The following ULK4 variants were observed in gnomAD, a reference collection of about 807,000 sequenced individuals.
ULK4 encodes the protein unc-51 like kinase 4.
ULK4 carries 133 observed loss-of-function variants against 160.6 expected under a neutral mutation model. The ratio of observed to expected loss-of-function variants is 0.83; its 90% confidence interval spans 0.72 to 0.96. The LOEUF (loss-of-function observed/expected upper bound fraction) is 0.96. Among genes scored for constraint, ULK4 ranks in the 40% least tolerant of loss-of-function variants. The pLI is 0.00. For synonymous variants in ULK4, 534 were observed against 539.8 expected, an observed-to-expected ratio of 0.99 and a Z score of 0.15; for missense variants, 1,580 against 1,499.5, an observed-to-expected ratio of 1.05 and a Z score of -0.89.
intron 34 of ULK4, among the ~76,000 whole-genome samples, chr3:41,420,969 C>G (rs2082650892): frequency 6.6e-6 from 1 of 151,918 alleles, no homozygotes; most frequent in South Asian, 2.1e-4. Flanking sequence ...CAAAAATGAA[C>G]TGGGCATGGT....
At chr3:41,669,385 C>T (rs141925222) in intron 29 of ULK4, among the ~76,000 whole-genome samples, 1 of 152,222 alleles carries the variant, frequency 6.6e-6, no homozygotes, top group East Asian at 1.9e-4. Context: ...TCCCCACTCC[C>T]ACCCCAAAGT....
At chr3:41,286,640 A>T (rs1262180591) in intron 35 of ULK4, among the ~76,000 whole-genome samples, 1 of 152,164 alleles carries the variant, frequency 6.6e-6, no homozygotes, top group Admixed American at 6.5e-5. Flanking sequence ...CTAGGGAAAA[A>T]GGGAGGCTGG....
chr3:41,764,586 A>C (rs997048926), intron 21 of ULK4, among the ~76,000 whole-genome samples: 1 of 152,226 alleles, frequency 6.6e-6, no homozygotes. Flanking sequence ...CAAAAAACTT[A>C]AAAGAGAAAT....
intron 35 of ULK4, among the ~76,000 whole-genome samples, chr3:41,385,841 C>A (rs1208367935): frequency 1.3e-5 from 2 of 152,152 alleles, no homozygotes; most frequent in Non-Finnish European, 2.9e-5. Context: ...GACTGGAGAG[C>A]TGAGACTGGA....
intron 20 of ULK4, among the ~76,000 whole-genome samples, chr3:41,794,725 TA>T (rs1198068233): frequency 8.4e-5 from 11 of 130,330 alleles, no homozygotes; most frequent in Admixed American, 4.6e-4. Context: ...ATAAATACAT[TA>T]AATAAATAAA....
chr3:41,470,645 G>A (rs1355406943), intron 32 of ULK4, among the ~76,000 whole-genome samples: 1 of 152,018 alleles, frequency 6.6e-6, no homozygotes. Flanking sequence ...TAATAATAAT[G>A]ACTACAGCTA....
intron 12 of ULK4, among the ~76,000 whole-genome samples, chr3:41,905,984 G>A (rs1410409678): frequency 1.3e-5 from 2 of 152,060 alleles, no homozygotes; most frequent in African/African-American, 2.4e-5. Context: ...TTGGGAGTCC[G>A]AGGCGGGCGG....
chr3:41,614,726 G>A (rs752788653), intron 31 of ULK4, among the ~76,000 whole-genome samples: 9 of 152,142 alleles, frequency 5.9e-5, no homozygotes, highest in Admixed American at 2.6e-4. Context: ...AAAATCTGCA[G>A]CTAAGAAAAA....
chr3:41,492,560 C>T (rs1414092707), intron 32 of ULK4, among the ~76,000 whole-genome samples: 3 of 148,012 alleles, frequency 2.0e-5, no homozygotes, highest in Non-Finnish European at 4.5e-5. Flanking sequence ...ATGACAGGAT[C>T]AAATCCACAC....
intron 35 of ULK4, among the ~76,000 whole-genome samples, chr3:41,275,763 A>G (rs2079218609): frequency 6.6e-6 from 1 of 152,218 alleles, no homozygotes; most frequent in Non-Finnish European, 1.5e-5. Context: ...TCTTTCTAAC[A>G]TTTCCAGAGT....
At chr3:41,946,166 T>C (rs1343778173) in intron 2 of ULK4, among the ~76,000 whole-genome samples, 1 of 152,164 alleles carries the variant, frequency 6.6e-6, no homozygotes, top group Non-Finnish European at 1.5e-5. Flanking sequence ...GTATGTATAT[T>C]TTACTTCAAT....
At chr3:41,521,887 A>G (rs1301537067) in intron 32 of ULK4, among the ~76,000 whole-genome samples, 1 of 152,192 alleles carries the variant, frequency 6.6e-6, no homozygotes, top group African/African-American at 2.4e-5. Context: ...TTGCCTTGCC[A>G]TGTTACTTTC....
At chr3:41,672,442 C>T (rs1032932822) in intron 29 of ULK4, among the ~76,000 whole-genome samples, 1 of 152,032 alleles carries the variant, frequency 6.6e-6, no homozygotes, top group African/African-American at 2.4e-5. Context: ...GTGAAATAAG[C>T]CTGGCAGAGA....
At chr3:41,824,092 G>A (rs1473386724) in intron 18 of ULK4, among the ~76,000 whole-genome samples, 1 of 147,670 alleles carries the variant, frequency 6.8e-6, no homozygotes, top group Non-Finnish European at 1.5e-5. Context: ...GAATCCAGGA[G>A]GTGGGGGTTG....
At chr3:41,564,583 C>A (rs1575421604) in intron 32 of ULK4, among the ~76,000 whole-genome samples, 1 of 150,852 alleles carries the variant, frequency 6.6e-6, no homozygotes, top group Non-Finnish European at 1.5e-5. Flanking sequence ...CTCAGCCTCC[C>A]GAGTAGCTGG....
At chr3:41,767,422 CCCA>C (rs1201401822) in intron 21 of ULK4, among the ~76,000 whole-genome samples, 3 of 151,992 alleles carry the variant, frequency 2.0e-5, no homozygotes, top group Non-Finnish European at 4.4e-5. Flanking sequence ...CCATCTGCTC[CCCA>C]CACTTCTACT....
intron 33 of ULK4, among the ~76,000 whole-genome samples, chr3:41,458,554 A>G (rs190577488): frequency 3.9e-5 from 6 of 152,132 alleles, no homozygotes; most frequent in Admixed American, 3.9e-4. Context: ...AAATAGCAAT[A>G]CAGCATTACC....
intron 35 of ULK4, among the ~76,000 whole-genome samples, chr3:41,390,872 G>A (rs1418286217): frequency 6.6e-6 from 1 of 152,096 alleles, no homozygotes; most frequent in African/African-American, 2.4e-5. Flanking sequence ...CTCTGTAGAT[G>A]TCTATTAGGT....
chr3:41,643,209 G>C (rs2125721501), intron 30 of ULK4, among the ~76,000 whole-genome samples: 1 of 152,156 alleles, frequency 6.6e-6, no homozygotes, highest in South Asian at 2.1e-4. Flanking sequence ...GATCCCATTT[G>C]TCAATTTTGG....
Sources: allele counts gnomAD v4.1 joint callset (sites outside exome capture counted in the v4.1 genomes callset), GRCh38; gene constraint gnomAD v4.1.1; transcripts MANE v1.5; gene names NCBI Gene and HGNC (gene_info 2026-07-23, HGNC 2026-07-21).